The following RIPOR3 variants were observed in gnomAD, a reference collection of about 807,000 sequenced individuals.
RIPOR3 encodes family with sequence similarity 65 member C.
A neutral mutation model predicts 114.3 loss-of-function variants in RIPOR3; 95 were observed. That is an observed-to-expected ratio of 0.83 (90% CI 0.70 to 0.99). The LOEUF (loss-of-function observed/expected upper bound fraction) is 0.99. Ranked by LOEUF, RIPOR3 falls within the 50% of genes least tolerant of loss-of-function variation. RIPOR3 has a pLI of 0.00. For synonymous variants in RIPOR3, 575 were observed against 543.8 expected (o/e 1.06, Z -0.80); for missense variants, 1,252 against 1,266.9 (o/e 0.99, Z 0.18).
At chr20:50,616,138 G>C in intron 3 of RIPOR3, 58 bp from the exon 4 acceptor site, 5 of 1,544,780 alleles carry the variant, frequency 3.2e-6, no homozygotes, top group Non-Finnish European at 4.4e-6. Flanking sequence ...GGGAAAGGAA[G>C]TAGGCCAAAT....
chr20:50,643,301 T>TG (rs57292380), intron 1 of RIPOR3, among the ~76,000 whole-genome samples: 49,676 of 121,406 alleles, frequency 0.41, 10,212 homozygotes, highest in African/African-American at 0.66. Flanking sequence ...TTTGTGTGTG[T>TG]TTTTTTTTTT....
At chr20:50,680,616 C>T (rs75870887) in intron 1 of RIPOR3, among the ~76,000 whole-genome samples, 286 of 152,388 alleles carry the variant, frequency 1.9e-3, no homozygotes, top group African/African-American at 6.6e-3. Flanking sequence ...TCACGCCGAC[C>T]TGGCCAAAGG....
intron 1 of RIPOR3, among the ~76,000 whole-genome samples, chr20:50,664,867 C>T (rs1380331777): frequency 4.6e-5 from 7 of 151,878 alleles, no homozygotes; most frequent in Admixed American, 1.3e-4. Flanking sequence ...TTTGGGAGGC[C>T]GGGGCAGGAG....
rs2082927638 is a variant in RIPOR3 at position 50,586,558 on chromosome 20, T to A, written c.*674A>T. ...GCTCCTGGGCTGATGTGGTGGCTTC[T>A]TCCCTTTGTGCTGCTGAACATAGGG... On this transcript the variant is annotated 3_prime_UTR_variant, in exon 22 of 22. Coordinates refer to ENST00000327979, the MANE Select transcript of RIPOR3 (RefSeq NM_001290268.2). The A allele has an allele frequency of 6.5e-6, 1 of 152,790 alleles. No individual in the cohort carries two copies. The highest frequency in any genetic ancestry group is 2.1e-4 in the South Asian group (1 of 4,852). 9.5% of individuals were successfully genotyped at this position (152,790 alleles called of 1,614,324 possible).
intron 2 of RIPOR3, among the ~76,000 whole-genome samples, chr20:50,622,781 C>T (rs79806859): frequency 3.5e-4 from 53 of 152,272 alleles, no homozygotes; most frequent in Non-Finnish European, 6.2e-4. Flanking sequence ...TCTACATTAA[C>T]AACACACTAC....
intron 7 of RIPOR3, 30 bp from the exon 8 acceptor site, chr20:50,609,386 C>T (rs1279159960): frequency 5.0e-6 from 8 of 1,608,600 alleles, no homozygotes; most frequent in Admixed American, 1.7e-5. Context: ...GCTCAGCTGG[C>T]TGCCTGGGGC....
chr20:50,606,055 A>C (rs1190030850), intron 11 of RIPOR3, among the ~76,000 whole-genome samples: 1 of 152,126 alleles, frequency 6.6e-6, no homozygotes, highest in Non-Finnish European at 1.5e-5. Flanking sequence ...AACATAAAAA[A>C]ATTAGCTGGG....
At chr20:50,607,549 T>G (rs2083767680) in intron 11 of RIPOR3, among the ~76,000 whole-genome samples, 1 of 152,152 alleles carries the variant, frequency 6.6e-6, no homozygotes, top group South Asian at 2.1e-4. Flanking sequence ...CCAGGGTGTC[T>G]GCAGACCCGC....
Position 50,691,242 on chromosome 20 carries a change from G to A in RIPOR3, c.-114C>T, listed in dbSNP as rs2087203421. 1 of 1,259,196 alleles carries A rather than the reference G, an allele frequency of 7.9e-7. No individual in the cohort carries two copies. Among genetic ancestry groups the A allele is most frequent in the Non-Finnish European group, 1.0e-6 (1 of 963,106 alleles). 78.0% of individuals were successfully genotyped at this position (1,259,196 alleles called of 1,614,324 possible). A position where few individuals can be genotyped will look rare whatever the true frequency, so the allele number is the denominator to read the frequency against. ...CATCTGGCCCGGGACTCCCGGACTCGAGCTAGGGCTCTGCAAATTCCATCC... is the reference window on the plus strand; with the variant it reads ...CATCTGGCCCGGGACTCCCGGACTCAAGCTAGGGCTCTGCAAATTCCATCC... On this transcript the variant is annotated 5_prime_UTR_variant, in exon 1 of 22. Coordinates refer to ENST00000327979, the MANE Select transcript of RIPOR3 (RefSeq NM_001290268.2).
intron 3 of RIPOR3, among the ~76,000 whole-genome samples, chr20:50,617,979 G>A (rs960548266): frequency 4.6e-5 from 7 of 152,100 alleles, no homozygotes; most frequent in Non-Finnish European, 8.8e-5. Flanking sequence ...AATAAGAGAT[G>A]TAGGGGCTGG....
intron 1 of RIPOR3, chr20:50,636,536 C>T: frequency 1.0e-6 from 1 of 984,790 alleles, no homozygotes; most frequent in Non-Finnish European, 1.2e-6. Flanking sequence ...CCCTGCTGGG[C>T]CCCAGGGCAG....
intron 2 of RIPOR3, among the ~76,000 whole-genome samples, chr20:50,628,414 G>A (rs1009910845): frequency 7.2e-5 from 11 of 152,058 alleles, no homozygotes; most frequent in Non-Finnish European, 1.5e-4. Flanking sequence ...CATGCCAGCC[G>A]CACACCTGCT....
At chr20:50,683,685 G>C (rs2086929769) in intron 1 of RIPOR3, among the ~76,000 whole-genome samples, 1 of 151,770 alleles carries the variant, frequency 6.6e-6, no homozygotes, top group Non-Finnish European at 1.5e-5. Context: ...TCAAACTCCT[G>C]ACTGCAGGTG....
At chr20:50,666,547 TTTTG>T (rs539259473) in intron 1 of RIPOR3, among the ~76,000 whole-genome samples, 40 of 149,268 alleles carry the variant, frequency 2.7e-4, no homozygotes, top group African/African-American at 9.4e-4. Context: ...TCTTTGTTTG[TTTTG>T]TTTGTTTTTT....
At chr20:50,689,253 T>G (rs1051940328) in intron 1 of RIPOR3, among the ~76,000 whole-genome samples, 5 of 148,674 alleles carry the variant, frequency 3.4e-5, no homozygotes, top group Admixed American at 6.9e-5. Flanking sequence ...CTCAGCTCAC[T>G]GCACCTCTCC....
chr20:50,609,578 C>G lies in RIPOR3; in HGVS notation c.571G>C (p.Ala191Pro). 1 of 1,424,478 alleles carries G rather than the reference C, an allele frequency of 7.0e-7. No homozygotes were observed. Among genetic ancestry groups the G allele is most frequent in the Non-Finnish European group, 9.1e-7 (1 of 1,093,008 alleles). The allele number at this position is 1,424,478 out of a possible 1,614,324, so 88.2% of individuals were successfully genotyped here. Residue 191 changes from alanine (A) to proline (P), a missense_variant, in exon 7 of 22, where the codon GCC becomes CCC. Ala to Pro is a conservative substitution (Grantham distance 27). Transcript: ENST00000327979. ...CCCAGCTTGGCCCGGCCCACCTCGGCGCACTCGTGCAGGCTGCGGCCCAGC... is the reference window on the plus strand; with the variant it reads ...CCCAGCTTGGCCCGGCCCACCTCGGGGCACTCGTGCAGGCTGCGGCCCAGC... ...QELGRSLHEC[A>P]EDMWLIEGAL...
intron 1 of RIPOR3, among the ~76,000 whole-genome samples, chr20:50,641,506 A>G (rs1251653119): frequency 1.3e-5 from 2 of 152,000 alleles, no homozygotes; most frequent in Non-Finnish European, 2.9e-5. Context: ...CCTCAGCCTC[A>G]TGAGTAGCTG....
chr20:50,668,592 C>T (rs978291863), intron 1 of RIPOR3, among the ~76,000 whole-genome samples: 5 of 152,188 alleles, frequency 3.3e-5, no homozygotes, highest in Admixed American at 6.5e-5. Context: ...CACAGTGGCT[C>T]ACACCTGTAA....
chr20:50,651,122 T>G (rs548484179), intron 1 of RIPOR3, among the ~76,000 whole-genome samples: 1 of 152,182 alleles, frequency 6.6e-6, no homozygotes, highest in East Asian at 1.9e-4. Flanking sequence ...CCAAGGAGAT[T>G]CAAAGTATGA....
Sources: gnomAD v4.1 joint callset for allele counts (sites outside exome capture counted in the v4.1 genomes callset) on GRCh38, gnomAD v4.1.1 for gene constraint, MANE v1.5 for transcripts, NCBI Gene and HGNC (gene_info 2026-07-23, HGNC 2026-07-21) for gene names.